The following TTC22 variants were observed in gnomAD, a reference collection of about 807,000 sequenced individuals.
The protein encoded by TTC22 is tetratricopeptide repeat domain 22, also known as tetratricopeptide repeat protein 22.
In TTC22, 42 loss-of-function variants were observed where a neutral mutation model predicts 48.2. The observed-to-expected ratio is 0.87, with a 90% confidence interval of 0.68 to 1.13. The LOEUF (loss-of-function observed/expected upper bound fraction) is 1.13, where lower values mean the gene tolerates loss of function less well. Ranked by LOEUF, TTC22 falls within the 50% of genes most tolerant of loss-of-function variation. TTC22 has a pLI of 0.00. For synonymous variants in TTC22, 345 were observed against 365.5 expected (o/e 0.94, Z 0.64); for missense variants, 784 against 807.0 (o/e 0.97, Z 0.34).
chr1:54,796,044 T>C (rs893528507), intron 1 of TTC22, among the ~76,000 whole-genome samples: 1 of 152,278 alleles, frequency 6.6e-6, no homozygotes, highest in Non-Finnish European at 1.5e-5. Flanking sequence ...ATTTCTGTGA[T>C]GATCAAATGA....
chr1:54,782,455 T>C lies in TTC22; in HGVS notation c.1043A>G (p.His348Arg), dbSNP rs764167802. Residue 348 changes from histidine (H) to arginine (R), a missense_variant, in exon 6 of 7, where the codon CAT becomes CGT. By Grantham distance (29) the His-to-Arg change is conservative. Coordinates refer to ENST00000371276, the MANE Select transcript of TTC22 (RefSeq NM_001114108.2). Reference sequence around the variant, plus strand: ...ACCCATCTTGGCCCGCTTGAGGTCATGCAGGTAGGCTCTGATGTGGATCTG... The same window carrying C: ...ACCCATCTTGGCCCGCTTGAGGTCACGCAGGTAGGCTCTGATGTGGATCTG... ...RAKIHIRAYL[H>R]DLKRAKMGLG... 4 of 1,550,220 alleles carry C rather than the reference T, an allele frequency of 2.6e-6. No individual in the cohort carries two copies. Among genetic ancestry groups the C allele is most frequent in the South Asian group, 1.2e-5 (1 of 83,974 alleles).
At position 54,782,226 on chromosome 1, in the gene TTC22, A is replaced by T. The variant is rs963590749; in HGVS notation, c.1173+99T>A. ...GATGGGTACTGTTATCAGGGAGTGAAACTTTTTCCTCTGCATCTTGGCCTA... is the reference window on the plus strand; with the variant it reads ...GATGGGTACTGTTATCAGGGAGTGATACTTTTTCCTCTGCATCTTGGCCTA... On this transcript the variant is annotated intron_variant, in intron 6 of 6. Coordinates refer to ENST00000371276, the MANE Select transcript of TTC22 (RefSeq NM_001114108.2). 4.7e-6 allele frequency: 6 copies of T among 1,283,410 alleles called. No homozygotes were observed. In the East Asian group the frequency reaches 1.6e-4, roughly 33 times the overall value. 79.5% of individuals were successfully genotyped at this position (1,283,410 alleles called of 1,614,324 possible). A position where few individuals can be genotyped will look rare whatever the true frequency, so the allele number is the denominator to read the frequency against.
intron 5 of TTC22, 103 bp from the exon 6 acceptor site, chr1:54,782,580 A>C: frequency 1.6e-6 from 2 of 1,266,962 alleles, no homozygotes; most frequent in Non-Finnish European, 2.1e-6. Context: ...GCAACCAGGG[A>C]GGTTATGTGT....
chr1:54,784,366 G>T (rs146211977), intron 5 of TTC22, among the ~76,000 whole-genome samples: 4 of 152,354 alleles, frequency 2.6e-5, no homozygotes, highest in African/African-American at 9.6e-5. Flanking sequence ...GAGAGGCCAG[G>T]ATCATAAGAC....
intron 1 of TTC22, among the ~76,000 whole-genome samples, chr1:54,789,507 C>T (rs541581339): frequency 9.9e-5 from 15 of 152,180 alleles, no homozygotes; most frequent in Non-Finnish European, 2.1e-4. Context: ...AGGGAGGGGT[C>T]CTTGTGAGTC....
rs114674787 is a variant in TTC22, at chr1:54,798,387, G to A, written c.567+2210C>T. ...CAGTCACTCCCACTTTATCCACAGG[G>A]CCCGGACTTTCCAGGTCACTGTTGA... On this transcript the variant is annotated intron_variant, in intron 1 of 6. Coordinates refer to ENST00000371276, the MANE Select transcript of TTC22 (RefSeq NM_001114108.2). Among the ~76,000 whole-genome samples, 766 of 152,318 alleles carry A rather than the reference G, an allele frequency of 5.0e-3. 12 individuals are homozygous for A. The highest frequency in any genetic ancestry group is 0.018 in the African/African-American group (739 of 41,572).
In TTC22 at chr1:54,800,967, G is replaced by T; in HGVS notation, c.197C>A (p.Pro66His). 1 of 1,602,772 alleles carries T rather than the reference G, an allele frequency of 6.2e-7. No homozygotes were observed. Residue 66 changes from proline to histidine, a missense_variant, in exon 1 of 7, where the codon CCC (proline) becomes CAC (histidine). Pro to His is a moderately conservative substitution (Grantham distance 77). Coordinates refer to ENST00000371276, the MANE Select transcript of TTC22 (RefSeq NM_001114108.2). ...AGCGCCCAGGAGGTGACGCACAGCG[G>T]GGCGCTGCGGGGCGGCCGCCAGCTG... is the stretch of plus-strand genomic sequence containing the variant. ...ELQLAAAPQR[P>H]AVRHLLGAFA...
In TTC22 at chr1:54,781,461, C is replaced by A. The variant is rs1167268706; in HGVS notation, c.1492G>T (p.Asp498Tyr). The change falls in exon 7 of 7, where the codon GAC (aspartate) becomes TAC (tyrosine). Residue 498 changes from aspartate to tyrosine, a missense_variant. By Grantham distance (160) the Asp-to-Tyr change is radical (BLOSUM62 -3). Coordinates refer to ENST00000371276, the MANE Select transcript of TTC22 (RefSeq NM_001114108.2). ...TCCTGGGCGCGGCGCAGCCAGGCGTCCACCTCGCGGCCCAGCTCCCCGTCG... is the reference window on the plus strand; with the variant it reads ...TCCTGGGCGCGGCGCAGCCAGGCGTACACCTCGCGGCCCAGCTCCCCGTCG... Reference protein sequence around the residue: ...LSDGELGREVDAWLRRAQDKY... With the variant: ...LSDGELGREVYAWLRRAQDKY... The A allele has an allele frequency of 1.4e-6, 2 of 1,457,778 alleles. No individual in the cohort carries two copies. The highest frequency in any genetic ancestry group is 1.5e-5 in the African/African-American group (1 of 67,166). The allele number at this position is 1,457,778 out of a possible 1,614,324, so 90.3% of individuals were successfully genotyped here. A position where few individuals can be genotyped will look rare whatever the true frequency, so the allele number is the denominator to read the frequency against.
At chr1:54,799,600 C>G (rs1031554778) in intron 1 of TTC22, among the ~76,000 whole-genome samples, 2 of 152,204 alleles carry the variant, frequency 1.3e-5, no homozygotes. Context: ...CCGCATTCAA[C>G]ACATCAATCT....
chr1:54,783,769 T>C (rs1229956025), intron 5 of TTC22, among the ~76,000 whole-genome samples: 2 of 152,168 alleles, frequency 1.3e-5, no homozygotes, highest in Admixed American at 6.5e-5. Flanking sequence ...AGCTGGAGGA[T>C]TGCTTGAGCC....
chr1:54,783,293 C>T (rs1226136107), intron 5 of TTC22, among the ~76,000 whole-genome samples: 3 of 152,172 alleles, frequency 2.0e-5, no homozygotes. Flanking sequence ...GGTTTGAATT[C>T]CAGTCCTTCC....
chr1:54,795,384 G>A (rs1004641456), intron 1 of TTC22, among the ~76,000 whole-genome samples: 3 of 152,184 alleles, frequency 2.0e-5, no homozygotes, highest in Non-Finnish European at 2.9e-5. Context: ...AGCTTTGAGC[G>A]GCTCCCTGCT....
chr1:54,780,408 A>G lies in TTC22; in HGVS notation c.*835T>C, dbSNP rs1233526688. 1 of 150,034 alleles carries G rather than the reference A, an allele frequency of 6.7e-6. No individual in the cohort carries two copies. The highest frequency in any genetic ancestry group is 1.5e-5 in the Non-Finnish European group (1 of 67,760). 9.3% of individuals were successfully genotyped at this position (150,034 alleles called of 1,614,324 possible). A position where few individuals can be genotyped will look rare whatever the true frequency, so the allele number is the denominator to read the frequency against. On this transcript the variant is annotated 3_prime_UTR_variant, in exon 7 of 7. Coordinates refer to ENST00000371276, the MANE Select transcript of TTC22 (RefSeq NM_001114108.2). ...AAGGCTGAGGCGGGAAGATCGCTTG[A>G]ACCCAGGAGATGGAGGTTGCAGTGG...
intron 5 of TTC22, chr1:54,784,472 G>T: frequency 1.1e-6 from 1 of 873,438 alleles, no homozygotes; most frequent in Non-Finnish European, 1.4e-6. Context: ...GTTCTATGTG[G>T]CCTCATTTGT....
At position 54,801,241 on chromosome 1, in the gene TTC22, C is replaced by A; in HGVS notation, c.-78G>T. On this transcript the variant is annotated 5_prime_UTR_variant, in exon 1 of 7. Coordinates refer to ENST00000371276, the MANE Select transcript of TTC22 (RefSeq NM_001114108.2). ...GCAGTGGATGGGGGCGTTCCCCGAG[C>A]GAGCTCCGTGCGGGAGGCGAGGGGC... 1 of 1,447,666 alleles carries A rather than the reference C, an allele frequency of 6.9e-7. No individual in the cohort carries two copies. The highest frequency in any genetic ancestry group is 9.4e-7 in the Non-Finnish European group (1 of 1,069,014). 89.7% of individuals were successfully genotyped at this position (1,447,666 alleles called of 1,614,324 possible).
intron 1 of TTC22, chr1:54,793,121 G>A (rs3818748): frequency 0.094 from 14,322 of 152,194 alleles, 859 homozygotes; most frequent in Non-Finnish European, 0.14. Flanking sequence ...TCACAATCCC[G>A]TGGGCTGGGG....
chr1:54,797,047 T>C (rs967915264), intron 1 of TTC22, among the ~76,000 whole-genome samples: 4 of 152,162 alleles, frequency 2.6e-5, no homozygotes, highest in Non-Finnish European at 5.9e-5. Flanking sequence ...GTGCTTTTCA[T>C]GTTTTCTCAA....
intron 1 of TTC22, among the ~76,000 whole-genome samples, chr1:54,796,337 T>G (rs1014977791): frequency 6.6e-6 from 1 of 152,242 alleles, no homozygotes; most frequent in African/African-American, 2.4e-5. Context: ...TTTGTGAGGC[T>G]GGCCACCTCC....
chr1:54,784,564 G>T (rs1646285945), intron 5 of TTC22: 2 of 1,020,174 alleles, frequency 2.0e-6, no homozygotes, highest in South Asian at 7.1e-5. Flanking sequence ...TTGATGAAAT[G>T]CAGAATTTTA....
Sources: gnomAD v4.1 joint callset for allele counts (sites outside exome capture counted in the v4.1 genomes callset) on GRCh38, gnomAD v4.1.1 for gene constraint, MANE v1.5 for transcripts, NCBI Gene and HGNC (gene_info 2026-07-23, HGNC 2026-07-21) for gene names.